Variants in BZW1 observed in about 807,000 individuals in gnomAD.
The protein encoded by BZW1 is eIF5-mimic protein 2.
Under a neutral mutation model 54.1 loss-of-function variants are expected in BZW1, and 3 were observed. That is an observed-to-expected ratio of 0.06 (90% CI 0.03 to 0.14). The LOEUF is 0.14. Ranked by LOEUF, BZW1 falls within the 10% of genes least tolerant of loss-of-function variation. BZW1 has a pLI of 1.00. For missense variants in BZW1, 206 were observed against 491.7 expected (o/e 0.42, Z 5.50); for synonymous variants, 152 against 162.7 (o/e 0.93, Z 0.50).
At chr2:200,820,407 T>G (rs911463308) in intron 10 of BZW1, among the ~76,000 whole-genome samples, 4 of 152,180 alleles carry the variant, frequency 2.6e-5, no homozygotes, top group Non-Finnish European at 5.9e-5. Flanking sequence ...CAGCTAGGTG[T>G]GGTGGCTCAT....
At chr2:200,820,288 T>A in intron 10 of BZW1, 168 bp downstream of exon 10, 1 of 551,396 alleles carries the variant, frequency 1.8e-6, no homozygotes, top group Non-Finnish European at 3.1e-6. Flanking sequence ...GATACTTGTT[T>A]AAAACATCTA....
In BZW1 at chr2:200,826,426, T is replaced by TGATAGATAGATAGATAGATAGATAGA. The variant is rs1421682820; in HGVS notation, c.*4248_*4249insGATAGATAGATAGATAGATAGATAGA. 1.6e-5 allele frequency: 2 copies of TGATAGATAGATAGATAGATAGATAGA among 127,752 alleles called. No individual in the cohort carries two copies. Among genetic ancestry groups the TGATAGATAGATAGATAGATAGATAGA allele is most frequent in the African/African-American group, 6.0e-5 (2 of 33,380 alleles). The allele number at this position is 127,752 out of a possible 1,614,324, so 7.9% of individuals were successfully genotyped here. A position where few individuals can be genotyped will look rare whatever the true frequency, so the allele number is the denominator to read the frequency against. ...ATAGATATTTTTTTTTTTTTTTTTTTTTTTTTTTTTTTTTTTGAGACAGAG... is the reference window on the plus strand; with the variant it reads ...ATAGATATTTTTTTTTTTTTTTTTTTGATAGATAGATAGATAGATAGATAGATTTTTTTTTTTTTTTTGAGACAGAG... On this transcript the variant is annotated 3_prime_UTR_variant, in exon 12 of 12. Coordinates refer to ENST00000409600, the MANE Select transcript of BZW1 (RefSeq NM_001207067.2).
At chr2:200,813,427 C>A in intron 2 of BZW1, 146 bp downstream of exon 2, 1 of 663,236 alleles carries the variant, frequency 1.5e-6, no homozygotes, top group Non-Finnish European at 2.5e-6. Flanking sequence ...TGCCATTTCA[C>A]ATACACCTTT....
Position 200,815,369 on chromosome 2 carries a change from G to A in BZW1, c.93G>A (p.Gln31=), listed in dbSNP as rs779710956. Residue 31 remains glutamine (Q), a synonymous_variant, in exon 3 of 12, where the codon CAG becomes CAA. Coordinates refer to ENST00000409600, the MANE Select transcript of BZW1 (RefSeq NM_001207067.2). The stretch of plus-strand genomic sequence containing the variant: ...AAAAAGAGAGGTTTGACCCTACTCA[G>A]TTTCAAGACTGTATTATTCAAGGCT... ...RDEKERFDPT[Q]FQDCIIQGLT... 6.2e-7 allele frequency: 1 copy of A among 1,613,546 alleles called. No individual in the cohort carries two copies. The highest frequency in any genetic ancestry group is 8.5e-7 in the Non-Finnish European group (1 of 1,179,608).
At chr2:200,822,072 G>A in intron 11 of BZW1, 75 bp from the exon 12 acceptor site, 3 of 1,388,042 alleles carry the variant, frequency 2.2e-6, no homozygotes, top group East Asian at 2.4e-5. Context: ...CTGTCTTAAA[G>A]AAGCTTCAAA....
intron 6 of BZW1, 35 bp from the exon 7 acceptor site, chr2:200,817,939 G>C (rs775085728): frequency 2.8e-6 from 4 of 1,414,130 alleles, no homozygotes; most frequent in Admixed American, 4.1e-5. Flanking sequence ...AACCAGGGAA[G>C]GTACTTCTGT....
rs1042128236 is a variant in BZW1, at chr2:200,825,321, G to A, written c.*3143G>A. 7 of 151,640 alleles carry A rather than the reference G, an allele frequency of 4.6e-5. No individual in the cohort carries two copies. Among genetic ancestry groups the A allele is most frequent in the African/African-American group, 1.5e-4 (6 of 41,244 alleles). The allele number at this position is 151,640 out of a possible 1,614,324, so 9.4% of individuals were successfully genotyped here. A position where few individuals can be genotyped will look rare whatever the true frequency, so the allele number is the denominator to read the frequency against. ...GGTCTGCCTGCCTTGGCCTCCCAAA[G>A]TGCTGGGATTACAGGCGTGAGCCAC... On this transcript the variant is annotated 3_prime_UTR_variant, in exon 12 of 12. Transcript: ENST00000409600.
At position 200,824,043 on chromosome 2, in the gene BZW1, A is replaced by T. The variant is rs932825695; in HGVS notation, c.*1865A>T. The T allele has an allele frequency of 2.0e-5, 3 of 152,198 alleles. No homozygotes were observed. Among genetic ancestry groups the T allele is most frequent in the Admixed American group, 1.3e-4 (2 of 15,286 alleles). 9.4% of individuals were successfully genotyped at this position (152,198 alleles called of 1,614,324 possible). A position where few individuals can be genotyped will look rare whatever the true frequency, so the allele number is the denominator to read the frequency against. On this transcript the variant is annotated 3_prime_UTR_variant, in exon 12 of 12. Coordinates refer to ENST00000409600, the MANE Select transcript of BZW1 (RefSeq NM_001207067.2). ...CCAATTCATTGCATGTTTCTTCCAT[A>T]CAAAGTGTGCCATTTTATACTGTGT...
rs1559318436 is a variant in BZW1 at position 200,826,413 on chromosome 2, T to TGATAGATAGA, written c.*4235_*4236insGATAGATAGA. The TGATAGATAGA allele has an allele frequency of 1.0e-4, 4 of 40,074 alleles. No homozygotes were observed. The highest frequency in any genetic ancestry group is 3.8e-4 in the African/African-American group (3 of 7,896). The allele number at this position is 40,074 out of a possible 1,614,324, so 2.5% of individuals were successfully genotyped here. A position where few individuals can be genotyped will look rare whatever the true frequency, so the allele number is the denominator to read the frequency against. Reference sequence around the variant, plus strand: ...GATAGATAGATAGATAGATATTTTTTTTTTTTTTTTTTTTTTTTTTTTTTT... The same window carrying TGATAGATAGA: ...GATAGATAGATAGATAGATATTTTTTGATAGATAGATTTTTTTTTTTTTTTTTTTTTTTTT... On this transcript the variant is annotated 3_prime_UTR_variant, in exon 12 of 12. Coordinates refer to ENST00000409600, the MANE Select transcript of BZW1 (RefSeq NM_001207067.2).
chr2:200,821,424 G>C (rs2038505361), intron 11 of BZW1, 119 bp downstream of exon 11: 1 of 1,264,786 alleles, frequency 7.9e-7, no homozygotes. Context: ...AGAGATTTTT[G>C]TTATAAGGCA....
At chr2:200,817,738 T>G (rs771039603) in intron 6 of BZW1, among the ~76,000 whole-genome samples, 151 of 152,210 alleles carry the variant, frequency 9.9e-4, no homozygotes, top group Non-Finnish European at 1.9e-3. Context: ...ACTGTTGCCC[T>G]CAATTTATAC....
In BZW1 at chr2:200,824,329, A is replaced by G. The variant is rs937349953; in HGVS notation, c.*2151A>G. The G allele has an allele frequency of 6.6e-6, 1 of 152,158 alleles. No individual in the cohort carries two copies. Among genetic ancestry groups the G allele is most frequent in the Non-Finnish European group, 1.5e-5 (1 of 68,016 alleles). The allele number at this position is 152,158 out of a possible 1,614,324, so 9.4% of individuals were successfully genotyped here. A position where few individuals can be genotyped will look rare whatever the true frequency, so the allele number is the denominator to read the frequency against. Reference sequence around the variant, plus strand: ...GCCAGCCTATGGCCTCAAGTATGTAATTCTTAATATAGATGTTAAATTGTA... The same window carrying G: ...GCCAGCCTATGGCCTCAAGTATGTAGTTCTTAATATAGATGTTAAATTGTA... On this transcript the variant is annotated 3_prime_UTR_variant, in exon 12 of 12. Transcript: ENST00000409600.
rs2038264659 is a variant in BZW1, at chr2:200,815,768, G to A, written c.336+7G>A. ...CATGCAAGCATTTGCTCAGGTAAATGAAACTTTACATAATTGTTTTCAGTT... is the reference window on the plus strand; with the variant it reads ...CATGCAAGCATTTGCTCAGGTAAATAAAACTTTACATAATTGTTTTCAGTT... On this transcript the variant is annotated splice_region_variant and intron_variant, in intron 4 of 11. Coordinates refer to ENST00000409600, the MANE Select transcript of BZW1 (RefSeq NM_001207067.2). 1 of 1,538,980 alleles carries A rather than the reference G, an allele frequency of 6.5e-7. No individual in the cohort carries two copies. The highest frequency in any genetic ancestry group is 2.4e-5 in the East Asian group (1 of 41,980).
At chr2:200,817,368 T>G (rs574860715) in intron 6 of BZW1, 127 bp downstream of exon 6, 1 of 1,200,646 alleles carries the variant, frequency 8.3e-7, no homozygotes, top group South Asian at 1.5e-5. Flanking sequence ...TTTAATAAGT[T>G]CAGTCTAATT....
In BZW1 at chr2:200,816,366, A is replaced by G. The variant is rs1288513005; in HGVS notation, c.378A>G (p.Lys126=). 3.8e-6 allele frequency: 6 copies of G among 1,587,142 alleles called. No individual in the cohort carries two copies. Among genetic ancestry groups the G allele is most frequent in the Non-Finnish European group, 5.2e-6 (6 of 1,160,464 alleles). ...KLIRRYKYLE[K]GFEDEVKKLL... is the part of the protein sequence containing the mutation. ...TCAGGCGCTACAAATACCTGGAGAA[A>G]GGTTTTGAAGATGAAGTAAAAAAGG... is the stretch of plus-strand genomic sequence containing the variant. Residue 126 remains lysine (K), a synonymous_variant, in exon 5 of 12, where the codon AAA becomes AAG. Coordinates refer to ENST00000409600, the MANE Select transcript of BZW1 (RefSeq NM_001207067.2).
rs764251679 is a variant in BZW1 at position 200,818,093 on chromosome 2, T to G, written c.648+10T>G. ...GGATAACAGACTGATGGTTGGTAAC[T>G]TTTTTTCATTCTTCCCATTCTTGCC... is the stretch of plus-strand genomic sequence containing the variant. On this transcript the variant is annotated intron_variant, in intron 7 of 11. Transcript: ENST00000409600. 271 of 1,540,316 alleles carry G rather than the reference T, an allele frequency of 1.8e-4. 1 individual carries two copies. Among genetic ancestry groups the G allele is most frequent in the Middle Eastern group, 1.7e-4 (1 of 5,968 alleles).
intron 6 of BZW1, 49 bp from the exon 7 acceptor site, chr2:200,817,925 T>C (rs1301638196): frequency 2.3e-6 from 3 of 1,321,834 alleles, no homozygotes; most frequent in African/African-American, 1.5e-5. Flanking sequence ...GACACAGTGA[T>C]TGAAACCAGG....
In BZW1 at chr2:200,817,139, G is replaced by A. The variant is rs773813294; in HGVS notation, c.436G>A (p.Glu146Lys). 1.5e-4 allele frequency: 247 copies of A among 1,613,760 alleles called. No individual in the cohort carries two copies. Among genetic ancestry groups the A allele is most frequent in the Non-Finnish European group, 1.9e-4 (228 of 1,179,884 alleles). ...GTTCTTGAAGGGTTTTTCAGAGTCG[G>A]AGAGGAACAAGCTAGCTATGTTGAC... ...LLFLKGFSES[E>K]RNKLAMLTGV... The change falls in exon 6 of 12, where the codon GAG becomes AAG. Residue 146 changes from glutamate (E) to lysine (K), a missense_variant. Around this residue, in one of 5 missense-constraint regions of BZW1, gnomAD observed 81 missense variants for 257.1 expected, o/e 0.32. Coordinates refer to ENST00000409600, the MANE Select transcript of BZW1 (RefSeq NM_001207067.2).
Position 200,816,354 on chromosome 2 carries a change from A to G in BZW1, c.366A>G (p.Lys122=), listed in dbSNP as rs755130335. The G allele has an allele frequency of 4.0e-5, 63 of 1,590,300 alleles. No homozygotes were observed. Among genetic ancestry groups the G allele is most frequent in the Non-Finnish European group, 5.3e-5 (62 of 1,162,768 alleles). Residue 122 remains lysine (K), a synonymous_variant, in exon 5 of 12, where the codon AAA becomes AAG. Transcript: ENST00000409600. ...QVFNKLIRRY[K]YLEKGFEDEV... ...TTAACAAGTTAATCAGGCGCTACAA[A>G]TACCTGGAGAAAGGTTTTGAAGATG...
Sources: allele counts gnomAD v4.1 joint callset (sites outside exome capture counted in the v4.1 genomes callset), GRCh38; gene constraint gnomAD v4.1.1; regional missense constraint gnomAD v4.1.1; transcripts MANE v1.5; gene names NCBI Gene and HGNC (gene_info 2026-07-23, HGNC 2026-07-21).